ASTN2: variants seen among roughly 807,000 people sequenced by gnomAD.
The protein encoded by ASTN2 is astrotactin 2.
In ASTN2, 54 loss-of-function variants were observed where a neutral mutation model predicts 139.8. The observed-to-expected ratio is 0.39, with a 90% CI of 0.31 to 0.48. The LOEUF is 0.48. Ranked by LOEUF, ASTN2 falls within the 20% of genes least tolerant of loss-of-function variation. The pLI, the probability that ASTN2 is intolerant of heterozygous loss-of-function variation, is 0.95. For synonymous variants in ASTN2, 756 were observed against 719.5 expected (o/e 1.05, Z -0.81); for missense variants, 1,565 against 1,725.1 (o/e 0.91, Z 1.64).
At chr9:116,840,450 C>T (rs1352156287) in intron 11 of ASTN2, among the ~76,000 whole-genome samples, 2 of 148,426 alleles carry the variant, frequency 1.3e-5, no homozygotes, top group Non-Finnish European at 3.0e-5. Flanking sequence ...CCAGTAGGCG[C>T]GGCCGGGCAG....
intron 4 of ASTN2, among the ~76,000 whole-genome samples, chr9:117,115,885 C>T (rs1316191089): frequency 6.6e-5 from 10 of 151,692 alleles, no homozygotes; most frequent in Non-Finnish European, 1.3e-4. Context: ...ATTAGCTGGG[C>T]GTAGTGGTGG....
At chr9:116,492,157 C>G (rs1315098476) in intron 19 of ASTN2, among the ~76,000 whole-genome samples, 1 of 151,686 alleles carries the variant, frequency 6.6e-6, no homozygotes, top group Non-Finnish European at 1.5e-5. Context: ...TCTCAGCTCA[C>G]TGCAACTTCC....
At chr9:116,997,200 T>C (rs1280738410) in intron 7 of ASTN2, among the ~76,000 whole-genome samples, 1 of 152,200 alleles carries the variant, frequency 6.6e-6, no homozygotes, top group African/African-American at 2.4e-5. Context: ...ACCCTAACCT[T>C]CTTGACCTTC....
At chr9:116,798,809 A>G (rs1588301728) in intron 13 of ASTN2, among the ~76,000 whole-genome samples, 1 of 152,104 alleles carries the variant, frequency 6.6e-6, no homozygotes. Flanking sequence ...ATTTCCGAAC[A>G]CCAGAATGGC....
chr9:116,636,776 G>C (rs893695273), intron 17 of ASTN2, among the ~76,000 whole-genome samples: 2 of 152,160 alleles, frequency 1.3e-5, no homozygotes, highest in Non-Finnish European at 2.9e-5. Flanking sequence ...TGAGTTGGCT[G>C]TGGATTACAT....
At chr9:117,006,478 T>A (rs565211996) in intron 7 of ASTN2, among the ~76,000 whole-genome samples, 1 of 152,252 alleles carries the variant, frequency 6.6e-6, no homozygotes, top group South Asian at 2.1e-4. Context: ...CTTAAATGTA[T>A]CCAGAATCTG....
chr9:116,803,124 G>C (rs1195957168), intron 13 of ASTN2, among the ~76,000 whole-genome samples: 1 of 152,050 alleles, frequency 6.6e-6, no homozygotes, highest in Non-Finnish European at 1.5e-5. Context: ...CTTCCTCAAA[G>C]AGAAGGAATA....
chr9:117,346,873 C>T (rs914267174), intron 1 of ASTN2, among the ~76,000 whole-genome samples: 1 of 152,058 alleles, frequency 6.6e-6, no homozygotes, highest in African/African-American at 2.4e-5. Context: ...GGCCCTAATA[C>T]CTATGGTTTA....
Position 117,415,054 on chromosome 9 carries a change from A to ACC in ASTN2, c.-117_-116insGG. 1 of 172,528 alleles carries ACC rather than the reference A, an allele frequency of 5.8e-6. No individual in the cohort carries two copies. Among genetic ancestry groups the ACC allele is most frequent in the African/African-American group, 2.4e-5 (1 of 41,816 alleles). The allele number at this position is 172,528 out of a possible 1,614,324, so 10.7% of individuals were successfully genotyped here. ...CGAAGCGAACCAGGACGCCCGAGCT[A>ACC]AGGAGCGGAGAGAGCCGCTCGCCAG... is the stretch of plus-strand genomic sequence containing the variant. On this transcript the variant is annotated 5_prime_UTR_variant, in exon 1 of 23. Coordinates refer to ENST00000313400, the MANE Select transcript of ASTN2 (RefSeq NM_001365068.1).
chr9:116,772,598 G>A (rs897080008), intron 13 of ASTN2, among the ~76,000 whole-genome samples: 9 of 152,302 alleles, frequency 5.9e-5, no homozygotes, highest in Admixed American at 3.9e-4. Flanking sequence ...TTGAGTCAGT[G>A]ACTTAGAAAT....
At chr9:116,995,279 G>A (rs1325839053) in intron 7 of ASTN2, among the ~76,000 whole-genome samples, 1 of 152,124 alleles carries the variant, frequency 6.6e-6, no homozygotes, top group Non-Finnish European at 1.5e-5. Context: ...CTTCAGAGCT[G>A]GAGAGTACTC....
At chr9:117,252,112 C>T (rs1045151532) in intron 2 of ASTN2, among the ~76,000 whole-genome samples, 2 of 152,086 alleles carry the variant, frequency 1.3e-5, no homozygotes, top group African/African-American at 4.8e-5. Context: ...TTTGCATTGC[C>T]TAATAATGAT....
At chr9:116,505,978 C>T (rs181433726) in intron 19 of ASTN2, among the ~76,000 whole-genome samples, 1 of 152,158 alleles carries the variant, frequency 6.6e-6, no homozygotes, top group Non-Finnish European at 1.5e-5. Context: ...AAATGGTATG[C>T]CCCCAACCTC....
Position 116,733,385 on chromosome 9 carries a change from C to A in ASTN2, c.2521+14G>T. 1.2e-6 allele frequency: 2 copies of A among 1,613,622 alleles called. No homozygotes were observed. Among genetic ancestry groups the A allele is most frequent in the East Asian group, 4.5e-5 (2 of 44,870 alleles). ...GTCAGGGAACCTGGGAAGGGTCTGG[C>A]ACATGTGTCTTACCAGTGAGCAGTT... On this transcript the variant is annotated intron_variant, in intron 14 of 22. Transcript: ENST00000313400.
At chr9:116,845,457 C>G (rs1832400289) in intron 11 of ASTN2, among the ~76,000 whole-genome samples, 1 of 152,040 alleles carries the variant, frequency 6.6e-6, no homozygotes, top group South Asian at 2.1e-4. Context: ...GAATCTAGAC[C>G]AATGGTAGAG....
intron 2 of ASTN2, among the ~76,000 whole-genome samples, chr9:117,267,244 A>C (rs1289138969): frequency 6.6e-6 from 1 of 152,244 alleles, no homozygotes; most frequent in African/African-American, 2.4e-5. Flanking sequence ...TTAAACAAAG[A>C]AAGGCTGAGG....
chr9:117,242,992 T>A (rs928373166), intron 2 of ASTN2, among the ~76,000 whole-genome samples: 3 of 152,246 alleles, frequency 2.0e-5, no homozygotes, highest in African/African-American at 7.2e-5. Flanking sequence ...ATCGTCATCA[T>A]CATCATCACC....
chr9:117,351,053 A>G (rs1049395769), intron 1 of ASTN2, among the ~76,000 whole-genome samples: 1 of 152,130 alleles, frequency 6.6e-6, no homozygotes, highest in Non-Finnish European at 1.5e-5. Flanking sequence ...TTGCACCCTC[A>G]ACGTCTACAC....
intron 16 of ASTN2, among the ~76,000 whole-genome samples, chr9:116,716,020 G>A (rs1388098822): frequency 1.3e-5 from 2 of 152,178 alleles, no homozygotes; most frequent in Non-Finnish European, 2.9e-5. Flanking sequence ...GCTGAAGGCA[G>A]AGAGATAGCA....
Sources: allele counts gnomAD v4.1 joint callset (sites outside exome capture counted in the v4.1 genomes callset), GRCh38; gene constraint gnomAD v4.1.1; transcripts MANE v1.5; gene names NCBI Gene and HGNC (gene_info 2026-07-23, HGNC 2026-07-21).